The following GRK5 variants were observed in gnomAD, a reference collection of about 807,000 sequenced individuals.
The protein encoded by GRK5 is G protein-coupled receptor kinase 5, also known as g protein-coupled receptor kinase GRK5.
In GRK5, 40 loss-of-function variants were observed where a neutral mutation model predicts 78.4. The ratio of observed to expected loss-of-function variants is 0.51; its 90% confidence interval spans 0.40 to 0.66. GRK5 has a LOEUF of 0.66. GRK5 is among the 30% of genes least tolerant of loss of function. GRK5 has a pLI of 0.00. For synonymous variants in GRK5, 289 were observed against 296.8 expected (o/e 0.97, Z 0.27); for missense variants, 598 against 759.9 (o/e 0.79, Z 2.50).
chr10:119,345,025 G>A (rs1300881614), intron 2 of GRK5, among the ~76,000 whole-genome samples: 1 of 148,830 alleles, frequency 6.7e-6, no homozygotes, highest in East Asian at 2.1e-4. Flanking sequence ...CTGGAGTGCA[G>A]TGGCGCCATC....
rs1389597834 is a variant in GRK5 at position 119,379,894 on chromosome 10, T to G, written c.149-921T>G. Among the ~76,000 whole-genome samples the G allele has an allele frequency of 6.6e-6, 1 of 152,034 alleles. No homozygotes were observed. Among genetic ancestry groups the G allele is most frequent in the Non-Finnish European group, 1.5e-5 (1 of 67,990 alleles). Reference sequence around the variant, plus strand: ...AATTGCTTGAAGTAACACAGCAAATTGTTGGCTAACACCATGGTCTCTGGG... The same window carrying G: ...AATTGCTTGAAGTAACACAGCAAATGGTTGGCTAACACCATGGTCTCTGGG... On this transcript the variant is annotated intron_variant, in intron 2 of 15. Transcript: ENST00000392870. The surrounding 1 kb of genome is among the most constrained non-coding windows in gnomAD (Gnocchi z 4.1).
chr10:119,420,172 C>T (rs1852540138), intron 4 of GRK5, among the ~76,000 whole-genome samples: 1 of 152,178 alleles, frequency 6.6e-6, no homozygotes. Context: ...ATAGCCACCT[C>T]AGGATATGAT....
rs149372304 is a variant in GRK5 at position 119,281,617 on chromosome 10, C to T, written c.53-44899C>T. Among the ~76,000 whole-genome samples, 492 of 152,348 alleles carry T rather than the reference C, an allele frequency of 3.2e-3. 1 individual carries two copies. Among genetic ancestry groups the T allele is most frequent in the Middle Eastern group, 0.01 (3 of 294 alleles). ...TCACAGGGAGGGATCTGGCCGACCT[C>T]GGGTCTTAGCACGGCTGAGCCTTTG... is the stretch of plus-strand genomic sequence containing the variant. On this transcript the variant is annotated intron_variant, in intron 1 of 15. Coordinates refer to ENST00000392870, the MANE Select transcript of GRK5 (RefSeq NM_005308.3).
chr10:119,427,129 C>G (rs1273441962), intron 6 of GRK5, among the ~76,000 whole-genome samples: 1 of 151,806 alleles, frequency 6.6e-6, no homozygotes, highest in Non-Finnish European at 1.5e-5. Context: ...GTATCACTGC[C>G]ATCATCAGCA....
chr10:119,375,391 T>C (rs1213595705), intron 2 of GRK5, among the ~76,000 whole-genome samples: 1 of 152,202 alleles, frequency 6.6e-6, no homozygotes, highest in Non-Finnish European at 1.5e-5. Context: ...TGTCTGCTCA[T>C]TCCCATATTC....
chr10:119,285,888 G>A (rs983133333), intron 1 of GRK5, among the ~76,000 whole-genome samples: 3 of 152,152 alleles, frequency 2.0e-5, no homozygotes, highest in African/African-American at 7.2e-5. Context: ...CTTCCTGGCA[G>A]AACGTCCTTG....
rs777360386 is a variant in GRK5, at chr10:119,431,580, TTCCC to T, written c.738+61_738+64del. 4.9e-5 allele frequency: 77 copies of T among 1,584,826 alleles called. No individual in the cohort carries two copies. Among genetic ancestry groups the T allele is most frequent in the Non-Finnish European group, 6.2e-5 (72 of 1,164,310 alleles). On this transcript the variant is annotated intron_variant, in intron 8 of 15. Coordinates refer to ENST00000392870, the MANE Select transcript of GRK5 (RefSeq NM_005308.3). This position sits in a 1 kb window ranked among gnomAD's most constrained non-coding sequence, Gnocchi z 4.8. ...GGCTCGCCCTTCTGTGGACTGGGGC[TTCCC>T]TCCCTCCGGAAGGGCGTGGTCCTCT...
At chr10:119,270,746 C>T (rs1314438215) in intron 1 of GRK5, among the ~76,000 whole-genome samples, 4 of 152,220 alleles carry the variant, frequency 2.6e-5, no homozygotes, top group East Asian at 1.9e-4. Flanking sequence ...AGCAGTTTCT[C>T]CTGAGAGGTG....
At chr10:119,370,722 G>A (rs370237559) in intron 2 of GRK5, among the ~76,000 whole-genome samples, 109 of 152,138 alleles carry the variant, frequency 7.2e-4, no homozygotes, top group African/African-American at 2.4e-3. Context: ...AGCTGTTTTC[G>A]AATCACTTCT....
chr10:119,328,242 T>G (rs1055709452), intron 2 of GRK5, among the ~76,000 whole-genome samples: 2 of 152,036 alleles, frequency 1.3e-5, no homozygotes, highest in African/African-American at 4.8e-5. Flanking sequence ...CGAGGTCGGG[T>G]GGAAGAGAAG....
At chr10:119,303,698 C>T (rs928204834) in intron 1 of GRK5, among the ~76,000 whole-genome samples, 2 of 148,402 alleles carry the variant, frequency 1.3e-5, no homozygotes, top group Non-Finnish European at 3.0e-5. Context: ...GGGGCAAGAA[C>T]GGAGGTGGGA....
At chr10:119,245,778 G>A (rs1849097516) in intron 1 of GRK5, among the ~76,000 whole-genome samples, 1 of 152,114 alleles carries the variant, frequency 6.6e-6, no homozygotes, top group African/African-American at 2.4e-5. Context: ...AGCACTTTGG[G>A]AGGCCGAGGC....
intron 2 of GRK5, among the ~76,000 whole-genome samples, chr10:119,351,098 G>A (rs1458278704): frequency 6.6e-6 from 1 of 152,140 alleles, no homozygotes; most frequent in Non-Finnish European, 1.5e-5. Flanking sequence ...ATCATGTTAG[G>A]AAGTGGATGG....
At chr10:119,284,941 T>C (rs1321053076) in intron 1 of GRK5, among the ~76,000 whole-genome samples, 2 of 152,242 alleles carry the variant, frequency 1.3e-5, no homozygotes, top group Non-Finnish European at 2.9e-5. Context: ...CCTGGAGGAC[T>C]TGCCAGTCTG....
chr10:119,363,397 T>C (rs1270901878), intron 2 of GRK5, among the ~76,000 whole-genome samples: 1 of 152,154 alleles, frequency 6.6e-6, no homozygotes, highest in Non-Finnish European at 1.5e-5. Flanking sequence ...ATTATTTCTA[T>C]TCTAGGACCA....
At chr10:119,247,980 A>T (rs1268915681) in intron 1 of GRK5, among the ~76,000 whole-genome samples, 1 of 152,212 alleles carries the variant, frequency 6.6e-6, no homozygotes, top group Non-Finnish European at 1.5e-5. Flanking sequence ...TGAGTGAACA[A>T]GTGTTTATAT....
intron 1 of GRK5, among the ~76,000 whole-genome samples, chr10:119,323,842 C>A (rs1227004901): frequency 2.0e-5 from 3 of 152,088 alleles, no homozygotes; most frequent in African/African-American, 7.2e-5. Flanking sequence ...TTATCCCTCA[C>A]CTCCCTCCTC....
intron 2 of GRK5, among the ~76,000 whole-genome samples, chr10:119,349,063 C>T (rs888785351): frequency 6.6e-6 from 1 of 152,174 alleles, no homozygotes; most frequent in African/African-American, 2.4e-5. Flanking sequence ...GCCATCATAA[C>T]ACAGAATTTC....
chr10:119,275,356 C>G (rs944388406), intron 1 of GRK5, among the ~76,000 whole-genome samples: 3 of 152,160 alleles, frequency 2.0e-5, no homozygotes, highest in Admixed American at 1.3e-4. Context: ...TCTTTGACCT[C>G]GGTCAGGCTT....
Sources: allele counts gnomAD v4.1 joint callset (sites outside exome capture counted in the v4.1 genomes callset), GRCh38; gene constraint gnomAD v4.1.1; non-coding constraint Gnocchi (gnomAD v3.1); transcripts MANE v1.5; gene names NCBI Gene and HGNC (gene_info 2026-07-23, HGNC 2026-07-21).